Variants in VSTM2L observed in about 807,000 individuals in gnomAD.
VSTM2L encodes V-set and transmembrane domain-containing protein 2-like protein.
In VSTM2L, 9 loss-of-function variants were observed where a neutral mutation model predicts 19.9. The ratio of observed to expected loss-of-function variants is 0.45; its 90% CI spans 0.27 to 0.79. The LOEUF (loss-of-function observed/expected upper bound fraction) is 0.79. Ranked by LOEUF, VSTM2L falls within the 30% of genes least tolerant of loss-of-function variation. VSTM2L has a pLI of 0.15. For missense variants in VSTM2L, 286 were observed against 295.5 expected (o/e 0.97, Z 0.24); for synonymous variants, 127 against 133.8 (o/e 0.95, Z 0.35).
chr20:37,921,433 G>A (rs1297678917), intron 1 of VSTM2L, among the ~76,000 whole-genome samples: 1 of 152,200 alleles, frequency 6.6e-6, no homozygotes, highest in African/African-American at 2.4e-5. Context: ...GCAGCCCGGA[G>A]TAGGGAAAAT....
rs866328643 is a variant in VSTM2L, at chr20:37,922,636, C to T, written c.122-8999C>T. Among the ~76,000 whole-genome samples the T allele has an allele frequency of 2.0e-5, 3 of 152,292 alleles. No individual in the cohort carries two copies. In the South Asian group the frequency reaches 6.2e-4, roughly 32 times the overall value. On this transcript the variant is annotated intron_variant, in intron 1 of 3. Transcript: ENST00000373461. ...GCTGAGGACCAATCTCTGCAGGCAT[C>T]CTGGAGGAGGCAGCCTCCCACCAGA...
At chr20:37,923,870 C>T (rs528494561) in intron 1 of VSTM2L, among the ~76,000 whole-genome samples, 1 of 152,288 alleles carries the variant, frequency 6.6e-6, no homozygotes, top group South Asian at 2.1e-4. Context: ...TTCAGCCTCC[C>T]TATCTGAAAA....
chr20:37,913,227 G>C (rs1036293626), intron 1 of VSTM2L, among the ~76,000 whole-genome samples: 1 of 152,174 alleles, frequency 6.6e-6, no homozygotes, highest in African/African-American at 2.4e-5. Context: ...GAAGCTTATG[G>C]AAACTATGGA....
chr20:37,931,199 C>T (rs996645146), intron 1 of VSTM2L, among the ~76,000 whole-genome samples: 3 of 152,108 alleles, frequency 2.0e-5, no homozygotes, highest in African/African-American at 4.8e-5. Context: ...GCAAAGATGG[C>T]GCTGGCCGCT....
chr20:37,933,970 G>A (rs1183561644), intron 3 of VSTM2L, among the ~76,000 whole-genome samples: 1 of 152,238 alleles, frequency 6.6e-6, no homozygotes, highest in Non-Finnish European at 1.5e-5. Context: ...GGGTCACTTG[G>A]TGATCTGGCC....
chr20:37,912,905 CTA>C (rs1239270694), intron 1 of VSTM2L, among the ~76,000 whole-genome samples: 2 of 152,154 alleles, frequency 1.3e-5, no homozygotes, highest in Non-Finnish European at 2.9e-5. Context: ...CTTTTCCTCT[CTA>C]TCTCTGTCTT....
At position 37,914,649 on chromosome 20, in the gene VSTM2L, G is replaced by C. The variant is rs2072806734; in HGVS notation, c.121+11178G>C. ...GGCTCCTGGCTCCCCTGTGCTCCAC[G>C]GACCCCTTAGAGAAGCCAGAAGCAC... On this transcript the variant is annotated intron_variant, in intron 1 of 3. Coordinates refer to ENST00000373461, the MANE Select transcript of VSTM2L (RefSeq NM_080607.3). 1.3e-5 allele frequency among the ~76,000 whole-genome samples: 2 copies of C among 151,896 alleles called. 1 individual carries two copies. The highest frequency in any genetic ancestry group is 4.2e-4 in the South Asian group (2 of 4,812).
In VSTM2L at chr20:37,903,132, C is replaced by T. The variant is rs1019539743; in HGVS notation, c.-219C>T. On this transcript the variant is annotated 5_prime_UTR_variant, in exon 1 of 4. Coordinates refer to ENST00000373461, the MANE Select transcript of VSTM2L (RefSeq NM_080607.3). Reference sequence around the variant, plus strand: ...CCGCGGAAGGGAAGAGTCCCGCAGTCGGAGGCGGCCGGCTGGGCGTGCGCT... The same window carrying T: ...CCGCGGAAGGGAAGAGTCCCGCAGTTGGAGGCGGCCGGCTGGGCGTGCGCT... The T allele has an allele frequency of 2.2e-4, 100 of 463,770 alleles. No individual in the cohort carries two copies. Among genetic ancestry groups the T allele is most frequent in the Admixed American group, 5.5e-4 (11 of 20,140 alleles). The allele number at this position is 463,770 out of a possible 1,614,324, so 28.7% of individuals were successfully genotyped here.
At chr20:37,906,977 A>G (rs888349415) in intron 1 of VSTM2L, among the ~76,000 whole-genome samples, 1 of 152,214 alleles carries the variant, frequency 6.6e-6, no homozygotes, top group Non-Finnish European at 1.5e-5. Flanking sequence ...TACAGCTTGC[A>G]GAGGACCCCT....
In VSTM2L at chr20:37,903,823, A is replaced by G. The variant is rs183889167; in HGVS notation, c.121+352A>G. ...ACCTCAGGTCCCCCTCCTCACTGCA[A>G]GCCTTTACACTTATGCCCACTACAC... On this transcript the variant is annotated intron_variant, in intron 1 of 3. Coordinates refer to ENST00000373461, the MANE Select transcript of VSTM2L (RefSeq NM_080607.3). Among the ~76,000 whole-genome samples the G allele has an allele frequency of 3.3e-3, 497 of 152,226 alleles. 5 individuals are homozygous for G. Among genetic ancestry groups the G allele is most frequent in the African/African-American group, 9.9e-3 (411 of 41,542 alleles).
intron 1 of VSTM2L, among the ~76,000 whole-genome samples, chr20:37,929,138 G>A (rs559308535): frequency 6.6e-6 from 1 of 152,276 alleles, no homozygotes; most frequent in Non-Finnish European, 1.5e-5. Context: ...TAAGGAAGCG[G>A]ACTTTGAGCA....
At chr20:37,930,246 C>T (rs993214966) in intron 1 of VSTM2L, among the ~76,000 whole-genome samples, 8 of 150,176 alleles carry the variant, frequency 5.3e-5, no homozygotes, top group Admixed American at 2.0e-4. Context: ...TTTGTCAATT[C>T]GCATCACCTT....
chr20:37,937,904 G>T (rs189795923), intron 3 of VSTM2L, among the ~76,000 whole-genome samples: 20 of 152,214 alleles, frequency 1.3e-4, no homozygotes, highest in Admixed American at 1.3e-3. Flanking sequence ...ATTTGACAAA[G>T]GGTGGGGAAC....
intron 1 of VSTM2L, among the ~76,000 whole-genome samples, chr20:37,904,623 T>C (rs953740038): frequency 6.6e-6 from 1 of 152,216 alleles, no homozygotes; most frequent in African/African-American, 2.4e-5. Flanking sequence ...GACAGCCTTG[T>C]TGGGGAGGCT....
At chr20:37,933,773 T>A (rs1413752097) in intron 3 of VSTM2L, among the ~76,000 whole-genome samples, 184 bp downstream of exon 3, 1 of 152,212 alleles carries the variant, frequency 6.6e-6, no homozygotes, top group East Asian at 1.9e-4. Context: ...GTTCATTCAA[T>A]GATGGGCACA....
intron 3 of VSTM2L, among the ~76,000 whole-genome samples, chr20:37,939,813 C>T (rs1244389741): frequency 2.6e-5 from 4 of 152,188 alleles, no homozygotes; most frequent in South Asian, 2.1e-4. Context: ...CCAAGAAAAC[C>T]GAGGCCAGAG....
At chr20:37,943,733 T>C (rs1733189275) in intron 3 of VSTM2L, among the ~76,000 whole-genome samples, 2 of 152,146 alleles carry the variant, frequency 1.3e-5, no homozygotes, top group African/African-American at 4.8e-5. Flanking sequence ...GCTCCGTCTT[T>C]CGGACCACTC....
chr20:37,914,128 C>T (rs965038999), intron 1 of VSTM2L, among the ~76,000 whole-genome samples: 15 of 150,756 alleles, frequency 9.9e-5, no homozygotes, highest in Non-Finnish European at 2.2e-4. Flanking sequence ...TGTGTGTGTG[C>T]GCGCACGAAT....
intron 3 of VSTM2L, among the ~76,000 whole-genome samples, chr20:37,939,721 C>T (rs992293106): frequency 6.6e-6 from 1 of 152,110 alleles, no homozygotes; most frequent in Non-Finnish European, 1.5e-5. Context: ...ACTGTCAGCT[C>T]GTGCCAGCAT....
Sources: allele counts gnomAD v4.1 joint callset (sites outside exome capture counted in the v4.1 genomes callset), GRCh38; gene constraint gnomAD v4.1.1; transcripts MANE v1.5; gene names NCBI Gene and HGNC (gene_info 2026-07-23, HGNC 2026-07-21).